The following SAE1 variants were observed in gnomAD, a reference collection of about 807,000 sequenced individuals.
SAE1 encodes the protein SUMO1 activating enzyme subunit 1.
Under a neutral mutation model 40.6 loss-of-function variants are expected in SAE1, and 11 were observed. The observed-to-expected ratio is 0.27, with a 90% CI of 0.17 to 0.45. The LOEUF is 0.45. Among genes scored for constraint, SAE1 ranks in the 20% least tolerant of loss-of-function variants. The probability of loss-of-function intolerance (pLI) is 1.00; values close to 1 mark genes in which losing one functional copy is unlikely to be tolerated. For synonymous variants in SAE1, 155 were observed against 154.3 expected (o/e 1.00, Z -0.03); for missense variants, 373 against 427.3 (o/e 0.87, Z 1.12).
At chr19:47,201,479 C>G (rs913693339) in intron 7 of SAE1, among the ~76,000 whole-genome samples, 6 of 133,908 alleles carry the variant, frequency 4.5e-5, no homozygotes. Context: ...TTAAGTGATT[C>G]TTTTGCCTCA....
chr19:47,133,888 A>C (rs1555788783), intron 1 of SAE1, among the ~76,000 whole-genome samples: 1 of 143,846 alleles, frequency 7.0e-6, no homozygotes, highest in Non-Finnish European at 1.5e-5. Context: ...TTTGAGACGG[A>C]GTCTCACTCT....
chr19:47,130,996 G>A lies in SAE1; in HGVS notation c.66G>A (p.Gln22=). The change falls in exon 1 of 9, where the codon CAG becomes CAA. Residue 22 remains glutamine (Q), a synonymous_variant. Coordinates refer to ENST00000270225, the MANE Select transcript of SAE1 (RefSeq NM_005500.3). Reference sequence around the variant, plus strand: ...AGGAGGCGGCACAGTATGACCGGCAGATCCGCCTGTGGGGACTGGAGGCCC... The same window carrying A: ...AGGAGGCGGCACAGTATGACCGGCAAATCCGCCTGTGGGGACTGGAGGCCC... ...SEEEAAQYDR[Q]IRLWGLEAQK... 2 of 1,547,226 alleles carry A rather than the reference G, an allele frequency of 1.3e-6. No homozygotes were observed. Among genetic ancestry groups the A allele is most frequent in the Middle Eastern group, 1.8e-4 (1 of 5,664 alleles).
intron 6 of SAE1, among the ~76,000 whole-genome samples, chr19:47,190,998 A>G (rs1467826111): frequency 6.6e-6 from 1 of 152,214 alleles, no homozygotes; most frequent in Non-Finnish European, 1.5e-5. Flanking sequence ...GGATTCCATT[A>G]GGGTTAAGAA....
chr19:47,201,690 G>T (rs1262048047), intron 7 of SAE1, among the ~76,000 whole-genome samples: 1 of 151,868 alleles, frequency 6.6e-6, no homozygotes. Context: ...CTGGAGTGCA[G>T]TGGCACCATC....
chr19:47,174,733 C>T (rs560479542), intron 6 of SAE1, among the ~76,000 whole-genome samples: 104 of 151,898 alleles, frequency 6.8e-4, no homozygotes, highest in Non-Finnish European at 1.3e-3. Context: ...CCACCATGCC[C>T]GGCTAATTTT....
chr19:47,194,938 T>A (rs2058604279), intron 6 of SAE1, among the ~76,000 whole-genome samples: 1 of 150,824 alleles, frequency 6.6e-6, no homozygotes, highest in Non-Finnish European at 1.5e-5. Flanking sequence ...AGAGACGGGG[T>A]TTCACCATGT....
chr19:47,173,817 C>T (rs542488979), intron 6 of SAE1, among the ~76,000 whole-genome samples: 2 of 147,682 alleles, frequency 1.4e-5, no homozygotes, highest in East Asian at 2.0e-4. Context: ...CGGAGTCTCT[C>T]TCTGTCACCC....
chr19:47,195,878 C>T (rs1280250341), intron 6 of SAE1, among the ~76,000 whole-genome samples: 2 of 150,286 alleles, frequency 1.3e-5, no homozygotes, highest in Non-Finnish European at 1.5e-5. Flanking sequence ...GGACTACAGG[C>T]ACCACCATAC....
intron 7 of SAE1, among the ~76,000 whole-genome samples, chr19:47,202,368 A>C (rs2058660304): frequency 2.0e-5 from 3 of 151,814 alleles, no homozygotes; most frequent in African/African-American, 7.3e-5. Flanking sequence ...GCTCACTGCA[A>C]CCTATGCCTC....
chr19:47,205,713 T>A (rs1600221688), intron 8 of SAE1, among the ~76,000 whole-genome samples: 3 of 152,332 alleles, frequency 2.0e-5, no homozygotes, highest in Admixed American at 2.0e-4. Context: ...AAGCCCACTG[T>A]CTGCCACACA....
At chr19:47,149,478 G>A (rs528079606) in intron 2 of SAE1, among the ~76,000 whole-genome samples, 66 of 152,190 alleles carry the variant, frequency 4.3e-4, no homozygotes, top group African/African-American at 1.4e-3. Flanking sequence ...GCCCACACTG[G>A]TCTAGTTTTA....
At chr19:47,202,905 G>A (rs936661132) in intron 7 of SAE1, among the ~76,000 whole-genome samples, 9 of 152,036 alleles carry the variant, frequency 5.9e-5, no homozygotes, top group African/African-American at 1.2e-4. Context: ...GCGAGACTCC[G>A]TCTCAAAAAA....
intron 6 of SAE1, among the ~76,000 whole-genome samples, chr19:47,172,148 A>T (rs562036339): frequency 6.6e-6 from 1 of 152,106 alleles, no homozygotes; most frequent in Admixed American, 6.5e-5. Context: ...CAAACTCCCA[A>T]CCTCAGATGA....
intron 6 of SAE1, among the ~76,000 whole-genome samples, chr19:47,176,108 A>G (rs1156838916): frequency 1.3e-5 from 2 of 152,190 alleles, no homozygotes; most frequent in East Asian, 1.9e-4. Context: ...TGTTTATGTA[A>G]TCAAACTGTG....
chr19:47,200,141 G>A (rs1164209297), intron 7 of SAE1, among the ~76,000 whole-genome samples: 1 of 151,540 alleles, frequency 6.6e-6, no homozygotes, highest in Non-Finnish European at 1.5e-5. Context: ...CGCTGTGTTA[G>A]CCAGGATGGT....
Position 47,150,246 on chromosome 19 carries a change from G to A in SAE1, c.255G>A (p.Gly85=). Residue 85 remains glycine, a synonymous_variant, in exon 3 of 9, where the codon GGG becomes GGA. Coordinates refer to ENST00000270225, the MANE Select transcript of SAE1 (RefSeq NM_005500.3). The part of the protein sequence containing the change: ...DPGAQFLIRT[G]SVGRNRAEAS... The stretch of plus-strand genomic sequence containing the variant: ...GAGCTCAGTTCTTGATTCGTACTGG[G>A]TCTGTTGGCCGAAATAGGGCTGAAG... The A allele has an allele frequency of 6.2e-7, 1 of 1,613,130 alleles. No individual in the cohort carries two copies. Among genetic ancestry groups the A allele is most frequent in the Non-Finnish European group, 8.5e-7 (1 of 1,179,776 alleles).
chr19:47,181,801 T>TA (rs1424241667), intron 6 of SAE1, among the ~76,000 whole-genome samples: 26 of 120,274 alleles, frequency 2.2e-4, no homozygotes, highest in Non-Finnish European at 3.3e-4. Context: ...TTTTTTTTTT[T>TA]AATTTTACAG....
Position 47,150,217 on chromosome 19 carries a change from C to G in SAE1, c.226C>G (p.Pro76Ala), listed in dbSNP as rs548189786. ...LDHEQVTPED[P>A]GAQFLIRTGS... ...TTATTCCTAGGTAACTCCAGAAGAT[C>G]CCGGAGCTCAGTTCTTGATTCGTAC... Residue 76 changes from proline (P) to alanine (A), a missense_variant, in exon 3 of 9, where the codon CCC (proline) becomes GCC (alanine). Pro to Ala is a conservative substitution (Grantham distance 27, BLOSUM62 -1). Coordinates refer to ENST00000270225, the MANE Select transcript of SAE1 (RefSeq NM_005500.3). The G allele has an allele frequency of 6.3e-7, 1 of 1,592,842 alleles. No individual in the cohort carries two copies. The highest frequency in any genetic ancestry group is 1.8e-5 in the Admixed American group (1 of 55,564).
intron 5 of SAE1, among the ~76,000 whole-genome samples, chr19:47,159,084 C>G (rs963120573): frequency 1.1e-4 from 16 of 152,092 alleles, no homozygotes; most frequent in African/African-American, 3.9e-4. Context: ...TGTAATAGCT[C>G]TTTAAAAATT....
Sources: allele counts gnomAD v4.1 joint callset (sites outside exome capture counted in the v4.1 genomes callset), GRCh38; gene constraint gnomAD v4.1.1; transcripts MANE v1.5; gene names NCBI Gene and HGNC (gene_info 2026-07-23, HGNC 2026-07-21).